MGLL: variants seen among roughly 807,000 people sequenced by gnomAD.
MGLL encodes lysophospholipase homolog.
In MGLL, 7 loss-of-function variants were observed where a neutral mutation model predicts 29.1. The ratio of observed to expected loss-of-function variants is 0.24; its 90% CI spans 0.14 to 0.45. MGLL has a LOEUF of 0.45. Among genes scored for constraint, MGLL ranks in the 20% least tolerant of loss-of-function variants. The pLI, the probability that MGLL is intolerant of heterozygous loss-of-function variation, is 0.99. For synonymous variants in MGLL, 148 were observed against 168.3 expected, an observed-to-expected ratio of 0.88 and a Z score of 0.93; for missense variants, 356 against 413.6, an observed-to-expected ratio of 0.86 and a Z score of 1.21.
intron 2 of MGLL, among the ~76,000 whole-genome samples, chr3:127,790,947 G>A (rs756140559): frequency 6.6e-6 from 1 of 152,178 alleles, no homozygotes; most frequent in Non-Finnish European, 1.5e-5. Context: ...ACCCCAGGGG[G>A]TAGCCGGCCC....
chr3:127,814,019 T>TTTCC (rs1391715841), intron 2 of MGLL, among the ~76,000 whole-genome samples: 2 of 151,802 alleles, frequency 1.3e-5, no homozygotes, highest in Non-Finnish European at 2.9e-5. Flanking sequence ...TCCTTCCTTC[T>TTTCC]TTCCTTCCTT....
chr3:127,731,929 C>T (rs1437527918), intron 3 of MGLL, among the ~76,000 whole-genome samples: 1 of 152,166 alleles, frequency 6.6e-6, no homozygotes, highest in Non-Finnish European at 1.5e-5. Flanking sequence ...GCATTCGATG[C>T]GAAGTATAAT....
intron 7 of MGLL, among the ~76,000 whole-genome samples, chr3:127,694,463 C>G (rs1042348634): frequency 4.6e-5 from 7 of 151,532 alleles, no homozygotes; most frequent in African/African-American, 1.5e-4. Flanking sequence ...TCCACATAAC[C>G]AAGCCGCAGG....
chr3:127,804,655 T>C (rs1191173514), intron 2 of MGLL, among the ~76,000 whole-genome samples: 2 of 152,334 alleles, frequency 1.3e-5, no homozygotes, highest in African/African-American at 2.4e-5. Context: ...ATAATGAACA[T>C]GTTTCCCCAA....
intron 6 of MGLL, among the ~76,000 whole-genome samples, chr3:127,702,050 T>G (rs1012655322): frequency 1.3e-5 from 2 of 152,188 alleles, no homozygotes; most frequent in African/African-American, 4.8e-5. Flanking sequence ...GGCTGTGCAG[T>G]CATCTGGAGG....
At chr3:127,730,786 C>T (rs762500010) in intron 3 of MGLL, among the ~76,000 whole-genome samples, 1 of 152,192 alleles carries the variant, frequency 6.6e-6, no homozygotes, top group Non-Finnish European at 1.5e-5. Context: ...TGCCACATGG[C>T]TCTGTGCTGC....
chr3:127,738,239 T>G (rs933664191), intron 3 of MGLL, among the ~76,000 whole-genome samples: 1 of 151,574 alleles, frequency 6.6e-6, no homozygotes, highest in African/African-American at 2.4e-5. Context: ...AAGTTGAGGC[T>G]GCAGGGAGCC....
intron 2 of MGLL, among the ~76,000 whole-genome samples, chr3:127,786,170 G>A (rs1216591660): frequency 6.6e-6 from 1 of 152,176 alleles, no homozygotes; most frequent in African/African-American, 2.4e-5. Flanking sequence ...GCTGGGCAGC[G>A]ACCTGATCTG....
At chr3:127,784,967 G>C (rs369843411) in intron 2 of MGLL, among the ~76,000 whole-genome samples, 1 of 152,102 alleles carries the variant, frequency 6.6e-6, no homozygotes, top group East Asian at 1.9e-4. Context: ...CCCTGCTCCC[G>C]AGCTCCGAGG....
chr3:127,755,610 C>T (rs775628262), intron 3 of MGLL, among the ~76,000 whole-genome samples: 3 of 152,218 alleles, frequency 2.0e-5, no homozygotes, highest in Non-Finnish European at 4.4e-5. Context: ...TTGCTCCGAA[C>T]GAGGACAAGG....
At chr3:127,753,455 A>G (rs535456563) in intron 3 of MGLL, among the ~76,000 whole-genome samples, 1 of 152,356 alleles carries the variant, frequency 6.6e-6, no homozygotes, top group Admixed American at 6.5e-5. Context: ...GCCCTTGCCC[A>G]TGGGTTTCCA....
At chr3:127,768,451 A>G (rs1363773447) in intron 3 of MGLL, among the ~76,000 whole-genome samples, 1 of 152,204 alleles carries the variant, frequency 6.6e-6, no homozygotes, top group Admixed American at 6.5e-5. Context: ...CCACACTGCC[A>G]CTTCCTGTGC....
rs116972243 is a variant in MGLL at position 127,808,049 on chromosome 3, C to T, written c.155+13645G>A. Among the ~76,000 whole-genome samples the T allele has an allele frequency of 4.5e-3, 683 of 152,236 alleles. 31 individuals carry two copies. The South Asian group carries it at 0.099, about 22-fold the overall frequency. ...TGCTGAGATTACAGGCGTGAGCCAC[C>T]ATGCCTGGACGAAAACTCTTTTTTT... On this transcript the variant is annotated intron_variant, in intron 2 of 7. Transcript: ENST00000265052.
At chr3:127,735,865 C>T (rs781623554) in intron 3 of MGLL, 4 of 1,588,514 alleles carry the variant, frequency 2.5e-6, no homozygotes, top group Non-Finnish European at 3.4e-6. Context: ...GCATCTCTCC[C>T]ACTTACAAGG....
chr3:127,803,273 C>T (rs1387678346), intron 2 of MGLL, among the ~76,000 whole-genome samples: 4 of 152,186 alleles, frequency 2.6e-5, no homozygotes, highest in African/African-American at 7.2e-5. Flanking sequence ...AGCCACCACA[C>T]CTGGCACAAG....
chr3:127,709,588 C>A (rs1361799383), intron 6 of MGLL, among the ~76,000 whole-genome samples: 1 of 152,142 alleles, frequency 6.6e-6, no homozygotes, highest in African/African-American at 2.4e-5. Context: ...CCCCAGAATG[C>A]TAGAGCACTG....
chr3:127,730,208 T>A lies in MGLL; in HGVS notation c.263-7642A>T, dbSNP rs1156414377. Among the ~76,000 whole-genome samples the A allele has an allele frequency of 2.6e-5, 4 of 152,296 alleles. No individual in the cohort carries two copies. In the East Asian group the frequency reaches 7.7e-4, roughly 29 times the overall value. ...GTGGAGACTGTTGCTGCCTTTGAACTTACAGTAGCTTCTTCTCCAATCTCC... is the reference window on the plus strand; with the variant it reads ...GTGGAGACTGTTGCTGCCTTTGAACATACAGTAGCTTCTTCTCCAATCTCC... On this transcript the variant is annotated intron_variant, in intron 3 of 7. Coordinates refer to ENST00000265052, the MANE Select transcript of MGLL (RefSeq NM_007283.7).
chr3:127,758,915 CTTTTCTTTTCT>C (rs2076711372), intron 3 of MGLL, among the ~76,000 whole-genome samples: 1 of 119,620 alleles, frequency 8.4e-6, no homozygotes, highest in Non-Finnish European at 1.7e-5. Flanking sequence ...TTTTTTTTTT[CTTTTCTTTTCT>C]TTTTTTTTTT....
At chr3:127,720,977 T>C (rs1035824623) in intron 5 of MGLL, 76 bp downstream of exon 5, 9 of 1,313,000 alleles carry the variant, frequency 6.9e-6, no homozygotes, top group Middle Eastern at 1.8e-4. Flanking sequence ...TCTTTTTACA[T>C]AGACTCAGGC....
Sources: gnomAD v4.1 joint callset for allele counts (sites outside exome capture counted in the v4.1 genomes callset) on GRCh38, gnomAD v4.1.1 for gene constraint, MANE v1.5 for transcripts, NCBI Gene and HGNC (gene_info 2026-07-23, HGNC 2026-07-21) for gene names.